Variants in CSPP1 observed in about 807,000 individuals in gnomAD.
CSPP1 encodes centrosome and spindle pole associated protein 1, also known as centrosome and spindle pole-associated protein 1.
Under a neutral mutation model 164.4 loss-of-function variants are expected in CSPP1, and 126 were observed. The ratio of observed to expected loss-of-function variants is 0.77; its 90% CI spans 0.66 to 0.89. The LOEUF (loss-of-function observed/expected upper bound fraction) is 0.89. CSPP1 is among the 40% of genes least tolerant of loss of function. The pLI is 0.00. For missense variants in CSPP1, 1,395 were observed against 1,449.8 expected (o/e 0.96, Z 0.61); for synonymous variants, 472 against 476.7 (o/e 0.99, Z 0.13).
chr8:67,177,025 C>T (rs111533364), intron 26 of CSPP1, among the ~76,000 whole-genome samples: 3,146 of 141,272 alleles, frequency 0.022, 70 homozygotes, highest in South Asian at 0.049. Flanking sequence ...GAGCCAAGAT[C>T]GTGCCACTGC....
intron 15 of CSPP1, among the ~76,000 whole-genome samples, chr8:67,125,712 G>A (rs570540366): frequency 6.6e-6 from 1 of 152,214 alleles, no homozygotes; most frequent in South Asian, 2.1e-4. Flanking sequence ...CTGCTCGAAT[G>A]TGCTCTTGGC....
At chr8:67,159,693 T>C (rs113476706) in intron 21 of CSPP1, among the ~76,000 whole-genome samples, 5,197 of 150,494 alleles carry the variant, frequency 0.035, 187 homozygotes, top group African/African-American at 0.08. Flanking sequence ...AGCTAATTTT[T>C]GTATTTTTAG....
At chr8:67,181,518 T>G (rs142531370) in intron 28 of CSPP1, among the ~76,000 whole-genome samples, 2 of 152,004 alleles carry the variant, frequency 1.3e-5, no homozygotes, top group African/African-American at 2.4e-5. Context: ...TGTTGGAGTA[T>G]TGCATGACAC....
At chr8:67,122,456 T>C (rs945822452) in intron 15 of CSPP1, among the ~76,000 whole-genome samples, 1 of 152,210 alleles carries the variant, frequency 6.6e-6, no homozygotes, top group African/African-American at 2.4e-5. Flanking sequence ...TCTCAAAATA[T>C]TTTCCAATTT....
At chr8:67,189,533 A>G (rs948639004) in intron 28 of CSPP1, among the ~76,000 whole-genome samples, 7 of 152,210 alleles carry the variant, frequency 4.6e-5, no homozygotes, top group Non-Finnish European at 8.8e-5. Context: ...AGTTATTCCT[A>G]TTTTTAAAAA....
At chr8:67,137,670 G>T (rs1822630646) in intron 17 of CSPP1, 67 bp downstream of exon 17, 1 of 1,136,486 alleles carries the variant, frequency 8.8e-7, no homozygotes, top group South Asian at 2.3e-5. Flanking sequence ...AAAAGATTGG[G>T]GAGTAGAAAA....
chr8:67,156,944 G>A (rs1187631350), intron 19 of CSPP1, among the ~76,000 whole-genome samples: 1 of 152,150 alleles, frequency 6.6e-6, no homozygotes, highest in African/African-American at 2.4e-5. Flanking sequence ...GAAACCTGTT[G>A]AACAACTGTC....
At chr8:67,175,139 G>T (rs1831303412) in intron 25 of CSPP1, 157 bp from the exon 26 acceptor site, 21 of 626,604 alleles carry the variant, frequency 3.4e-5, no homozygotes, top group South Asian at 3.0e-4. Flanking sequence ...TAGTTTTGTG[G>T]CTATTTTACT....
At chr8:67,098,673 T>C (rs1213922557) in intron 7 of CSPP1, among the ~76,000 whole-genome samples, 1 of 152,018 alleles carries the variant, frequency 6.6e-6, no homozygotes, top group Non-Finnish European at 1.5e-5. Flanking sequence ...TAGCATGTCT[T>C]AAGATACTTT....
At chr8:67,173,462 A>C (rs1308919244) in intron 25 of CSPP1, 3 of 152,180 alleles carry the variant, frequency 2.0e-5, no homozygotes, top group African/African-American at 7.2e-5. Context: ...AGATTATGGG[A>C]TGTGTGGTCG....
chr8:67,163,653 T>C (rs1828789661), intron 22 of CSPP1, 79 bp from the exon 23 acceptor site: 1 of 1,037,596 alleles, frequency 9.6e-7, no homozygotes, highest in South Asian at 1.5e-5. Context: ...TACATATAAA[T>C]ACTTCAAAAA....
chr8:67,185,133 A>C (rs1490037925), intron 28 of CSPP1, among the ~76,000 whole-genome samples: 1 of 151,540 alleles, frequency 6.6e-6, no homozygotes, highest in Non-Finnish European at 1.5e-5. Flanking sequence ...ACAAACAAAC[A>C]AACAAACAAA....
chr8:67,175,929 C>T (rs148609332), intron 26 of CSPP1, among the ~76,000 whole-genome samples: 1 of 152,306 alleles, frequency 6.6e-6, no homozygotes, highest in Non-Finnish European at 1.5e-5. Flanking sequence ...TTAGTGGTTA[C>T]TAGGAGTGCA....
At chr8:67,176,270 G>A (rs1831602395) in intron 26 of CSPP1, among the ~76,000 whole-genome samples, 1 of 152,100 alleles carries the variant, frequency 6.6e-6, no homozygotes, top group East Asian at 1.9e-4. Flanking sequence ...AGAGTGGAAG[G>A]GATGCTCCTG....
At chr8:67,073,441 CAAAG>C (rs1232448316) in intron 1 of CSPP1, among the ~76,000 whole-genome samples, 2 of 151,988 alleles carry the variant, frequency 1.3e-5, no homozygotes, top group Admixed American at 1.3e-4. Flanking sequence ...TGGTAAAAGA[CAAAG>C]AAAGATGGTA....
Position 67,179,881 on chromosome 8 carries a change from G to C in CSPP1, c.3175G>C (p.Asp1059His). 1 of 1,595,602 alleles carries C rather than the reference G, an allele frequency of 6.3e-7. No individual in the cohort carries two copies. Among genetic ancestry groups the C allele is most frequent in the Non-Finnish European group, 8.6e-7 (1 of 1,164,152 alleles). The change falls in exon 28 of 31, where the codon GAT (aspartate) becomes CAT (histidine). Residue 1059 changes from aspartate (D) to histidine (H), a missense_variant. Physicochemically the swap from Asp to His is moderately conservative, Grantham distance 81. Coordinates refer to ENST00000678616, the MANE Select transcript of CSPP1 (RefSeq NM_001382391.1). The part of the protein sequence containing the change: ...EQRMPRDDTS[D>H]FLKNSLLESD... Reference sequence around the variant, plus strand: ...CTTTTAGCCCAGAGATGACACTAGTGATTTCTTGAAAAACTCATTATTGGA... The same window carrying C: ...CTTTTAGCCCAGAGATGACACTAGTCATTTCTTGAAAAACTCATTATTGGA...
chr8:67,086,418 A>G lies in CSPP1; in HGVS notation c.303+308A>G, dbSNP rs1001545230. Among the ~76,000 whole-genome samples the G allele has an allele frequency of 9.2e-5, 14 of 152,208 alleles. 1 individual carries two copies. Among genetic ancestry groups the G allele is most frequent in the South Asian group, 8.3e-4 (4 of 4,828 alleles). On this transcript the variant is annotated intron_variant, in intron 4 of 30. Coordinates refer to ENST00000678616, the MANE Select transcript of CSPP1 (RefSeq NM_001382391.1). ...AGTTGTCATGGTTTGAAGTAGTCCA[A>G]TCATGGTTTCCCACTCTTCTACACC...
intron 17 of CSPP1, among the ~76,000 whole-genome samples, chr8:67,144,248 A>C (rs1269674796): frequency 1.3e-5 from 2 of 152,204 alleles, no homozygotes; most frequent in East Asian, 3.8e-4. Flanking sequence ...ATATTCAGCC[A>C]ATCTTGCATT....
At chr8:67,167,890 G>A (rs1157456195) in intron 24 of CSPP1, among the ~76,000 whole-genome samples, 3 of 151,934 alleles carry the variant, frequency 2.0e-5, no homozygotes, top group East Asian at 1.9e-4. Flanking sequence ...CTTCCCAGAC[G>A]GGGTGGCGGC....
Sources: allele counts gnomAD v4.1 joint callset (sites outside exome capture counted in the v4.1 genomes callset), GRCh38; gene constraint gnomAD v4.1.1; transcripts MANE v1.5; gene names NCBI Gene and HGNC (gene_info 2026-07-23, HGNC 2026-07-21).